MMS22L: variants seen among roughly 807,000 people sequenced by gnomAD.
MMS22L encodes the protein protein MMS22-like.
A neutral mutation model predicts 159.1 loss-of-function variants in MMS22L; 74 were observed. The ratio of observed to expected loss-of-function variants is 0.47; its 90% CI spans 0.39 to 0.56. MMS22L has a LOEUF of 0.56. MMS22L is among the 20% of genes least tolerant of loss of function. The pLI is 0.00. For missense variants in MMS22L, 1,351 were observed against 1,422.1 expected (o/e 0.95, Z 0.80); for synonymous variants, 517 against 506.9 (o/e 1.02, Z -0.27).
chr6:97,172,770 G>T (rs1304767956), intron 19 of MMS22L, among the ~76,000 whole-genome samples: 1 of 152,032 alleles, frequency 6.6e-6, no homozygotes, highest in Non-Finnish European at 1.5e-5. Flanking sequence ...TAGTTATTCA[G>T]GTATTGAAAT....
intron 15 of MMS22L, among the ~76,000 whole-genome samples, chr6:97,182,633 T>C (rs1175415304): frequency 6.6e-6 from 1 of 152,222 alleles, no homozygotes; most frequent in Non-Finnish European, 1.5e-5. Flanking sequence ...TCATTTTGTA[T>C]GATATTAATT....
At chr6:97,163,210 T>A (rs1302787355) in intron 21 of MMS22L, among the ~76,000 whole-genome samples, 1 of 151,892 alleles carries the variant, frequency 6.6e-6, no homozygotes, top group Non-Finnish European at 1.5e-5. Context: ...GAATATAAAA[T>A]TGAATAAAAT....
upstream of MMS22L, chr6:97,283,679 T>G (rs919552776): frequency 6.6e-6 from 1 of 152,200 alleles, no homozygotes; most frequent in Admixed American, 6.5e-5. Context: ...ATGGAAAACT[T>G]GGAAAGCACT....
In MMS22L at chr6:97,178,463, CT is replaced by C; in HGVS notation, c.2658del (p.Ala887HisfsTer11). The C allele has an allele frequency of 3.2e-6, 5 of 1,556,318 alleles. No individual in the cohort carries two copies. Among genetic ancestry groups the C allele is most frequent in the South Asian group, 1.3e-5 (1 of 78,732 alleles). ...EYLSISEDPK[K>X]ALVRFFEAVG... ...AATACCTCAAAGAATCGAACAAGTG[CT>C]TTTTTAGGGTCTTCTGAGATGGATA... On this transcript the variant is annotated frameshift_variant, in exon 18 of 25. Coordinates refer to ENST00000683635, the MANE Select transcript of MMS22L (RefSeq NM_001350599.2). LOFTEE classifies it high-confidence loss of function.
At chr6:97,165,219 C>T (rs748251151) in intron 21 of MMS22L, 27 bp downstream of exon 21, 2 of 1,582,536 alleles carry the variant, frequency 1.3e-6, no homozygotes, top group South Asian at 2.2e-5. Context: ...TTTGTACATA[C>T]CACCTATATT....
At chr6:97,187,470 T>C (rs1805371516) in intron 14 of MMS22L, among the ~76,000 whole-genome samples, 1 of 152,150 alleles carries the variant, frequency 6.6e-6, no homozygotes, top group Non-Finnish European at 1.5e-5. Context: ...ACTGATAATA[T>C]GATTATTTAA....
intron 14 of MMS22L, among the ~76,000 whole-genome samples, chr6:97,194,912 G>A (rs566929567): frequency 6.6e-6 from 1 of 152,256 alleles, no homozygotes; most frequent in Non-Finnish European, 1.5e-5. Flanking sequence ...CTAAGCAGTA[G>A]GGTACAAAAC....
chr6:97,268,648 A>AT lies in MMS22L; in HGVS notation c.698-647dup, dbSNP rs1357051950. Among the ~76,000 whole-genome samples the AT allele has an allele frequency of 4.7e-5, 7 of 150,442 alleles. No homozygotes were observed. The East Asian group carries it at 1.2e-3, about 25-fold the overall frequency. ...TAACCAACAAAGCCTTTAAAACATT[A>AT]TTTTTTTAACAAATACTGATAAACT... On this transcript the variant is annotated intron_variant, in intron 7 of 24. Transcript: ENST00000683635.
rs1816834879 is a variant in MMS22L, at chr6:97,282,399, G to A, written c.79C>T (p.Pro27Ser). Residue 27 changes from proline (P) to serine (S), a missense_variant, in exon 2 of 25, where the codon CCT becomes TCT. Physicochemically the swap from Pro to Ser is moderately conservative, Grantham distance 74. Coordinates refer to ENST00000683635, the MANE Select transcript of MMS22L (RefSeq NM_001350599.2). ...TTGTCAACAGCACAAGAAAAGTAAG[G>A]AGGTTTGCACCATTCCGTCCCCAGC... ...LELGTEWCKP[P>S]YFSCAVDNRG... is the part of the protein sequence containing the mutation. 1 of 1,614,094 alleles carries A rather than the reference G, an allele frequency of 6.2e-7. No homozygotes were observed. Among genetic ancestry groups the A allele is most frequent in the East Asian group, 2.2e-5 (1 of 44,876 alleles).
chr6:97,151,738 G>C (rs773595097), intron 23 of MMS22L, 33 bp downstream of exon 23: 1 of 1,553,250 alleles, frequency 6.4e-7, no homozygotes, highest in East Asian at 2.2e-5. Context: ...GCTGGCAATA[G>C]TTTCCTTGCC....
chr6:97,279,511 G>A (rs577500349), intron 3 of MMS22L, among the ~76,000 whole-genome samples: 88 of 151,512 alleles, frequency 5.8e-4, no homozygotes, highest in African/African-American at 2.0e-3. Context: ...AAGATGGGGT[G>A]CAGTGGCTCC....
At chr6:97,280,888 G>T (rs966241) in intron 3 of MMS22L, among the ~76,000 whole-genome samples, 1 of 152,012 alleles carries the variant, frequency 6.6e-6, no homozygotes, top group African/African-American at 2.4e-5. Context: ...CTATTACACA[G>T]TCTAAACAAT....
intron 14 of MMS22L, among the ~76,000 whole-genome samples, chr6:97,194,204 C>T (rs528627975): frequency 2.0e-5 from 3 of 152,208 alleles, no homozygotes; most frequent in South Asian, 2.1e-4. Context: ...ACTACAGGTG[C>T]GTGCCACCAT....
At position 97,172,745 on chromosome 6, in the gene MMS22L, A is replaced by T. The variant is rs565614521; in HGVS notation, c.2839+318T>A. On this transcript the variant is annotated intron_variant, in intron 19 of 24. Transcript: ENST00000683635. ...TCTAACAATAGATAAGCGTTTTTTT[A>T]AAAAAGGTCCATTCTAGTTATTCAG... 3.9e-5 allele frequency among the ~76,000 whole-genome samples: 6 copies of T among 152,214 alleles called. No homozygotes were observed. In the South Asian group the frequency reaches 6.2e-4, roughly 16 times the overall value.
chr6:97,177,620 C>T (rs1026277902), intron 18 of MMS22L, among the ~76,000 whole-genome samples: 2 of 152,090 alleles, frequency 1.3e-5, no homozygotes, highest in Non-Finnish European at 2.9e-5. Context: ...CAATCAACAA[C>T]TAAATAAGGG....
intron 6 of MMS22L, chr6:97,270,423 A>AGCT: frequency 2.8e-6 from 1 of 355,218 alleles, no homozygotes; most frequent in South Asian, 2.3e-5. Context: ...ACTGTCATGT[A>AGCT]GACATTATTG....
intron 3 of MMS22L, among the ~76,000 whole-genome samples, chr6:97,279,356 C>T (rs773291287): frequency 6.3e-4 from 95 of 151,918 alleles, no homozygotes; most frequent in Non-Finnish European, 2.6e-4. Flanking sequence ...TGGTGGCGGA[C>T]GCCTGTAGTC....
chr6:97,209,430 A>G (rs959344220), intron 14 of MMS22L, among the ~76,000 whole-genome samples: 3 of 151,970 alleles, frequency 2.0e-5, no homozygotes, highest in African/African-American at 7.2e-5. Context: ...AGTACCGGTA[A>G]GAGAGTAAGT....
intron 19 of MMS22L, 133 bp downstream of exon 19, chr6:97,172,930 A>C: frequency 3.8e-6 from 3 of 786,548 alleles, no homozygotes; most frequent in Non-Finnish European, 5.7e-6. Context: ...TTTTAAGCTA[A>C]ATCACTGTAT....
Sources: gnomAD v4.1 joint callset for allele counts (sites outside exome capture counted in the v4.1 genomes callset) on GRCh38, gnomAD v4.1.1 for gene constraint, MANE v1.5 for transcripts, NCBI Gene and HGNC (gene_info 2026-07-23, HGNC 2026-07-21) for gene names.